The following ANKS1B variants were observed in gnomAD, a reference collection of about 807,000 sequenced individuals.
ANKS1B encodes ankyrin repeat and sterile alpha motif domain-containing protein 1B.
A neutral mutation model predicts 148.3 loss-of-function variants in ANKS1B; 36 were observed. The ratio of observed to expected loss-of-function variants is 0.24; its 90% CI spans 0.19 to 0.32. The LOEUF is 0.32. ANKS1B is among the 10% of genes least tolerant of loss of function. ANKS1B has a pLI of 1.00. For synonymous variants in ANKS1B, 542 were observed against 560.8 expected (o/e 0.97, Z 0.47); for missense variants, 1,157 against 1,542.6 (o/e 0.75, Z 4.19).
intron 17 of ANKS1B, chr12:98,976,783 T>C (rs1458330278): frequency 1.3e-5 from 2 of 152,266 alleles, no homozygotes; most frequent in Non-Finnish European, 2.9e-5. Flanking sequence ...CTAAGTCTTA[T>C]TCATTTCAAT....
chr12:98,923,805 C>T (rs532234779), intron 17 of ANKS1B, among the ~76,000 whole-genome samples: 1 of 152,278 alleles, frequency 6.6e-6, no homozygotes, highest in Non-Finnish European at 1.5e-5. Context: ...TCATTTAGTT[C>T]CCTCAGTCAT....
At chr12:99,726,476 A>G (rs550409027) in intron 8 of ANKS1B, among the ~76,000 whole-genome samples, 30 of 152,322 alleles carry the variant, frequency 2.0e-4, no homozygotes, top group African/African-American at 7.2e-4. Context: ...AAGTTCTGAA[A>G]TTGAGGCAGT....
intron 17 of ANKS1B, among the ~76,000 whole-genome samples, chr12:98,835,966 T>C (rs1202948121): frequency 6.6e-6 from 1 of 152,214 alleles, no homozygotes; most frequent in Non-Finnish European, 1.5e-5. Context: ...TCTCCTGTAA[T>C]CCTTACAATA....
chr12:99,865,680 T>C (rs1347136544), intron 1 of ANKS1B, among the ~76,000 whole-genome samples: 2 of 152,122 alleles, frequency 1.3e-5, no homozygotes, highest in African/African-American at 2.4e-5. Context: ...AAGTACTTAA[T>C]AGTAGGAGGA....
intron 19 of ANKS1B, among the ~76,000 whole-genome samples, chr12:98,826,169 G>A (rs2099247272): frequency 6.6e-6 from 1 of 152,142 alleles, no homozygotes; most frequent in African/African-American, 2.4e-5. Context: ...AGTTCATGCT[G>A]AACTCAAATT....
intron 17 of ANKS1B, among the ~76,000 whole-genome samples, chr12:98,945,505 CAAAAAAA>C (rs3051086): frequency 4.6e-4 from 14 of 30,298 alleles, no homozygotes; most frequent in South Asian, 1.2e-3. Flanking sequence ...AACAAACAAA[CAAAAAAA>C]AAAAAAAAAA....
intron 10 of ANKS1B, among the ~76,000 whole-genome samples, chr12:99,444,831 AC>A (rs1267422975): frequency 1.3e-5 from 2 of 152,038 alleles, no homozygotes; most frequent in Non-Finnish European, 2.9e-5. Context: ...TTTTTTATAG[AC>A]CAGGAAGTTT....
intron 10 of ANKS1B, among the ~76,000 whole-genome samples, chr12:99,476,678 G>A (rs1339564369): frequency 6.6e-6 from 1 of 152,090 alleles, no homozygotes; most frequent in Admixed American, 6.6e-5. Context: ...TATCTTCACT[G>A]GAAGAATTAA....
At chr12:98,782,953 G>A (rs944656207) in intron 22 of ANKS1B, among the ~76,000 whole-genome samples, 3 of 151,166 alleles carry the variant, frequency 2.0e-5, no homozygotes, top group Admixed American at 6.6e-5. Context: ...TGTGCAATGT[G>A]TTGATTTTAA....
At chr12:98,971,744 C>T (rs1322386493) in intron 17 of ANKS1B, among the ~76,000 whole-genome samples, 1 of 152,194 alleles carries the variant, frequency 6.6e-6, no homozygotes, top group Non-Finnish European at 1.5e-5. Context: ...ACAGATGTCC[C>T]TCTGCCTGCA....
chr12:99,346,691 CTG>C (rs760227738), intron 12 of ANKS1B, among the ~76,000 whole-genome samples: 4 of 151,982 alleles, frequency 2.6e-5, no homozygotes, highest in Non-Finnish European at 5.9e-5. Context: ...AATGGGATGT[CTG>C]TGAAATTCTG....
chr12:99,456,499 G>A (rs2095848885), intron 10 of ANKS1B, among the ~76,000 whole-genome samples: 1 of 152,110 alleles, frequency 6.6e-6, no homozygotes. Context: ...GGAAGGTTAA[G>A]TGCAACTTAA....
Position 99,984,527 on chromosome 12 carries a change from C to T in ANKS1B, c.-290G>A, listed in dbSNP as rs1022824652. 2 of 321,484 alleles carry T rather than the reference C, an allele frequency of 6.2e-6. No homozygotes were observed. The highest frequency in any genetic ancestry group is 4.3e-5 in the Admixed American group (1 of 23,520). The allele number at this position is 321,484 out of a possible 1,614,324, so 19.9% of individuals were successfully genotyped here. A position where few individuals can be genotyped will look rare whatever the true frequency, so the allele number is the denominator to read the frequency against. On this transcript the variant is annotated 5_prime_UTR_variant, in exon 1 of 27. Transcript: ENST00000683438. ...CCCTGAATTCCCAAGGCCTCGTTCCCGCGGGTGCGGCGTGAGGGGGTGGGG... is the reference window on the plus strand; with the variant it reads ...CCCTGAATTCCCAAGGCCTCGTTCCTGCGGGTGCGGCGTGAGGGGGTGGGG...
chr12:98,893,726 G>C (rs1238381116), intron 17 of ANKS1B: 3 of 152,256 alleles, frequency 2.0e-5, no homozygotes, highest in Admixed American at 2.0e-4. Flanking sequence ...TGAATTTCAA[G>C]TCTTCTCAAA....
At position 99,251,590 on chromosome 12, in the gene ANKS1B, T is replaced by C. The variant is rs1386580017; in HGVS notation, c.1757-4726A>G. Among the ~76,000 whole-genome samples, 3 of 152,194 alleles carry C rather than the reference T, an allele frequency of 2.0e-5. No individual in the cohort carries two copies. In the East Asian group the frequency reaches 5.8e-4, roughly 29 times the overall value. On this transcript the variant is annotated intron_variant, in intron 12 of 26. Coordinates refer to ENST00000683438, the MANE Select transcript of ANKS1B (RefSeq NM_001352186.2). ...AATCTGATAGTTATTCAAGGCATCA[T>C]TAGCATTTCAAAGAAATGTCAGAGT...
At chr12:99,140,253 T>G (rs901502323) in intron 15 of ANKS1B, among the ~76,000 whole-genome samples, 1 of 152,200 alleles carries the variant, frequency 6.6e-6, no homozygotes, top group African/African-American at 2.4e-5. Context: ...CTCAGTTCTT[T>G]GAGTGTCCAT....
At chr12:99,291,143 T>C (rs939190826) in intron 12 of ANKS1B, among the ~76,000 whole-genome samples, 3 of 151,970 alleles carry the variant, frequency 2.0e-5, no homozygotes, top group Admixed American at 2.0e-4. Flanking sequence ...CCAATAGTTA[T>C]GAATAAAATA....
chr12:99,323,286 G>A (rs769998026), intron 12 of ANKS1B, among the ~76,000 whole-genome samples: 3 of 152,102 alleles, frequency 2.0e-5, no homozygotes, highest in Admixed American at 1.3e-4. Flanking sequence ...CCATTACAAC[G>A]GAGTTCCTTG....
intron 17 of ANKS1B, among the ~76,000 whole-genome samples, chr12:99,047,084 G>A (rs2099962986): frequency 6.6e-6 from 1 of 152,124 alleles, no homozygotes; most frequent in South Asian, 2.1e-4. Context: ...CCAAATGAGA[G>A]GAGAAATAAG....
Sources: gnomAD v4.1 joint callset for allele counts (sites outside exome capture counted in the v4.1 genomes callset) on GRCh38, gnomAD v4.1.1 for gene constraint, MANE v1.5 for transcripts, NCBI Gene and HGNC (gene_info 2026-07-23, HGNC 2026-07-21) for gene names.